The following GALK2 variants were observed in gnomAD, a reference collection of about 807,000 sequenced individuals.
GALK2 encodes galactokinase 2.
A neutral mutation model predicts 52.4 loss-of-function variants in GALK2; 36 were observed. The ratio of observed to expected loss-of-function variants is 0.69; its 90% CI spans 0.53 to 0.91. The LOEUF is 0.91. Among genes scored for constraint, GALK2 ranks in the 40% least tolerant of loss-of-function variants. GALK2 has a pLI of 0.00. For missense variants in GALK2, 579 were observed against 559.1 expected (o/e 1.04, Z -0.36); for synonymous variants, 176 against 199.1 (o/e 0.88, Z 0.98).
At chr15:49,170,412 G>C (rs1272525559) in intron 1 of GALK2, 37 bp downstream of exon 1, 9 of 1,561,592 alleles carry the variant, frequency 5.8e-6, no homozygotes, top group Admixed American at 3.8e-5. Context: ...GGGATCTGCT[G>C]GGTTGGCTAC....
chr15:49,329,434 T>C lies in GALK2; in HGVS notation c.*1275T>C, dbSNP rs1045074640. The C allele has an allele frequency of 2.0e-6, 2 of 984,776 alleles. No homozygotes were observed. The highest frequency in any genetic ancestry group is 1.2e-6 in the Non-Finnish European group (1 of 829,410). The allele number at this position is 984,776 out of a possible 1,614,324, so 61.0% of individuals were successfully genotyped here. ...TCCAAAAAAATATCAGAATTACTTA[T>C]TATTCTGTGATTTCATTAGCTCATT... On this transcript the variant is annotated 3_prime_UTR_variant, in exon 10 of 10. Transcript: ENST00000560031.
intron 9 of GALK2, chr15:49,326,817 A>G (rs1434588946): frequency 6.6e-6 from 1 of 152,202 alleles, no homozygotes; most frequent in Non-Finnish European, 1.5e-5. Flanking sequence ...CAGATGATAA[A>G]AAGAAATCAA....
At chr15:49,358,056 A>G (rs1052472474) in intron 3 of GALK2, among the ~76,000 whole-genome samples, 8 of 152,114 alleles carry the variant, frequency 5.3e-5, no homozygotes, top group Admixed American at 1.3e-4. Flanking sequence ...GCTAAAAGCT[A>G]TCAATAAATT....
At chr15:49,293,971 G>A (rs571990223) in intron 8 of GALK2, among the ~76,000 whole-genome samples, 4 of 152,024 alleles carry the variant, frequency 2.6e-5, no homozygotes, top group African/African-American at 7.2e-5. Flanking sequence ...ATGGTGGCAA[G>A]CACCTGTAAT....
chr15:49,170,786 AT>A, intron 1 of GALK2, among the ~76,000 whole-genome samples: 1 of 152,246 alleles, frequency 6.6e-6, no homozygotes, highest in East Asian at 1.9e-4. Context: ...TGGTGTCTGC[AT>A]CCTCTTTAAA....
At chr15:49,349,947 G>T (rs1349136440) in intron 3 of GALK2, among the ~76,000 whole-genome samples, 1 of 152,152 alleles carries the variant, frequency 6.6e-6, no homozygotes, top group East Asian at 1.9e-4. Flanking sequence ...GAGAATTTAA[G>T]AATTTAGATG....
chr15:49,365,896 G>C (rs2045088777), intron 3 of GALK2: 6 of 959,954 alleles, frequency 6.3e-6, no homozygotes, highest in Non-Finnish European at 1.0e-5. Flanking sequence ...TGCAGCAAGA[G>C]AGTTGTACAG....
In GALK2 at chr15:49,236,016, A is replaced by G. The variant is rs920732102; in HGVS notation, c.357+75A>G. ...TTCTGTCAGATTTATTTTATTTACT[A>G]CATCTTTTTCATCTCCTTACAGTAC... is the stretch of plus-strand genomic sequence containing the variant. On this transcript the variant is annotated intron_variant, in intron 4 of 9. Coordinates refer to ENST00000560031, the MANE Select transcript of GALK2 (RefSeq NM_002044.4). The G allele has an allele frequency of 1.2e-5, 11 of 918,808 alleles. No homozygotes were observed. In the African/African-American group the frequency reaches 1.6e-4, roughly 14 times the overall value. The allele number at this position is 918,808 out of a possible 1,614,324, so 56.9% of individuals were successfully genotyped here. A position where few individuals can be genotyped will look rare whatever the true frequency, so the allele number is the denominator to read the frequency against.
chr15:49,355,829 G>A (rs1042535941), intron 3 of GALK2, among the ~76,000 whole-genome samples: 14 of 152,092 alleles, frequency 9.2e-5, no homozygotes, highest in Non-Finnish European at 1.5e-4. Context: ...AATGTTAAGG[G>A]CAGCTAGAGA....
chr15:49,342,584 G>A (rs926887575), intron 3 of GALK2, among the ~76,000 whole-genome samples: 2 of 152,118 alleles, frequency 1.3e-5, no homozygotes, highest in African/African-American at 4.8e-5. Context: ...GTTGTTAGCT[G>A]GTTGCTTTGT....
chr15:49,266,557 C>CA (rs2092368262), intron 5 of GALK2, among the ~76,000 whole-genome samples: 1 of 152,158 alleles, frequency 6.6e-6, no homozygotes, highest in Non-Finnish European at 1.5e-5. Context: ...CTTCTCTGGT[C>CA]TCCATTTTAG....
At chr15:49,239,491 G>A (rs2090990434) in intron 5 of GALK2, 124 bp downstream of exon 5, 2 of 834,238 alleles carry the variant, frequency 2.4e-6, no homozygotes, top group Non-Finnish European at 3.8e-6. Context: ...GCACATGTGG[G>A]CAAGCATTGT....
chr15:49,173,780 C>T (rs567808790), intron 1 of GALK2, among the ~76,000 whole-genome samples: 1 of 152,160 alleles, frequency 6.6e-6, no homozygotes, highest in African/African-American at 2.4e-5. Context: ...CAGAGTCTCG[C>T]TCTGTTGGCT....
intron 5 of GALK2, among the ~76,000 whole-genome samples, chr15:49,245,938 A>G (rs1193396985): frequency 6.6e-6 from 1 of 152,146 alleles, no homozygotes; most frequent in Non-Finnish European, 1.5e-5. Flanking sequence ...TGATACCGGT[A>G]TGTCTTCTGT....
At chr15:49,311,750 C>T (rs1369360101) in intron 8 of GALK2, among the ~76,000 whole-genome samples, 1 of 152,226 alleles carries the variant, frequency 6.6e-6, no homozygotes, top group Non-Finnish European at 1.5e-5. Flanking sequence ...TGTATGAGTG[C>T]CTCTTCTTTG....
intron 5 of GALK2, among the ~76,000 whole-genome samples, chr15:49,265,776 G>C (rs1198278458): frequency 1.3e-5 from 2 of 152,140 alleles, no homozygotes; most frequent in African/African-American, 4.8e-5. Context: ...GAAATTGTTT[G>C]AATGTTTGAA....
chr15:49,196,571 T>G lies in GALK2; in HGVS notation c.54-4591T>G, dbSNP rs565544927. 9.1e-4 allele frequency among the ~76,000 whole-genome samples: 139 copies of G among 152,320 alleles called. 5 individuals are homozygous for G. The South Asian group carries it at 0.028, about 30-fold the overall frequency. On this transcript the variant is annotated intron_variant, in intron 1 of 9. Transcript: ENST00000560031. ...GAATGTTCCATGTACTCTTGAGAAG[T>G]TTTATTGCCTATTATCAGGGTAAAA...
intron 5 of GALK2, among the ~76,000 whole-genome samples, chr15:49,269,658 C>G (rs971059633): frequency 9.9e-5 from 15 of 152,124 alleles, no homozygotes; most frequent in African/African-American, 3.4e-4. Flanking sequence ...ACGCTGCTGT[C>G]TCTGAACCCC....
At chr15:49,335,482 G>A (rs1001343679), downstream of GALK2, 1 of 1,613,114 alleles carries the variant, frequency 6.2e-7, no homozygotes, top group Non-Finnish European at 8.5e-7. Context: ...ATCACGGTAT[G>A]TTGGAGCAGG....
Sources: gnomAD v4.1 joint callset for allele counts (sites outside exome capture counted in the v4.1 genomes callset) on GRCh38, gnomAD v4.1.1 for gene constraint, MANE v1.5 for transcripts, NCBI Gene and HGNC (gene_info 2026-07-23, HGNC 2026-07-21) for gene names.